RALGAPB: variants seen among roughly 807,000 people sequenced by gnomAD.
RALGAPB encodes ral GTPase-activating protein subunit beta.
A neutral mutation model predicts 161.1 loss-of-function variants in RALGAPB; 25 were observed. The ratio of observed to expected loss-of-function variants is 0.16; its 90% confidence interval spans 0.11 to 0.22. The LOEUF (loss-of-function observed/expected upper bound fraction) is 0.22, where lower values mean the gene tolerates loss of function less well. Among genes scored for constraint, RALGAPB ranks in the 10% least tolerant of loss-of-function variants. RALGAPB has a pLI of 1.00. For synonymous variants in RALGAPB, 629 were observed against 626.1 expected, an observed-to-expected ratio of 1.00 and a Z score of -0.07; for missense variants, 1,391 against 1,815.2, an observed-to-expected ratio of 0.77 and a Z score of 4.25.
intron 28 of RALGAPB, among the ~76,000 whole-genome samples, chr20:38,571,183 C>A (rs1027097405): frequency 6.6e-6 from 1 of 152,266 alleles, no homozygotes; most frequent in Non-Finnish European, 1.5e-5. Context: ...CAGAAGTTTT[C>A]TCCTGCCCAC....
rs1438522179 is a variant in RALGAPB, at chr20:38,541,098, A to C, written c.2620A>C (p.Lys874Gln). 12 of 1,614,164 alleles carry C rather than the reference A, an allele frequency of 7.4e-6. No individual in the cohort carries two copies. Among genetic ancestry groups the C allele is most frequent in the Non-Finnish European group, 1.0e-5 (12 of 1,180,010 alleles). ...VELGISGSKS[K>Q]NNEQEVKYKG... Reference sequence around the variant, plus strand: ...ACTGGGTATCTCAGGAAGTAAGTCCAAGAACAATGAGCAAGAGGTCAAGTA... The same window carrying C: ...ACTGGGTATCTCAGGAAGTAAGTCCCAGAACAATGAGCAAGAGGTCAAGTA... Residue 874 changes from lysine to glutamine, a missense_variant, in exon 18 of 30, where the codon AAG becomes CAG. Lys to Gln is a moderately conservative substitution (Grantham distance 53, BLOSUM62 1). Around this residue, in one of 3 missense-constraint regions of RALGAPB, gnomAD observed 946 missense variants for 1,257.2 expected, o/e 0.75. Transcript: ENST00000262879.
chr20:38,481,127 T>C (rs905987809), intron 1 of RALGAPB, among the ~76,000 whole-genome samples: 2 of 152,176 alleles, frequency 1.3e-5, no homozygotes, highest in African/African-American at 4.8e-5. Context: ...ATTCGTATGC[T>C]CTGTATCTGT....
intron 5 of RALGAPB, 52 bp from the exon 6 acceptor site, chr20:38,509,025 T>C: frequency 6.3e-7 from 1 of 1,579,504 alleles, no homozygotes; most frequent in Non-Finnish European, 8.7e-7. Flanking sequence ...TGCTTGAGTG[T>C]ATTTTTCAAT....
chr20:38,502,835 C>A (rs548370530), intron 5 of RALGAPB, among the ~76,000 whole-genome samples: 1 of 152,276 alleles, frequency 6.6e-6, no homozygotes, highest in South Asian at 2.1e-4. Flanking sequence ...TAACTCCAGG[C>A]CTCATGTGAG....
chr20:38,526,772 A>G (rs187790500), intron 13 of RALGAPB, among the ~76,000 whole-genome samples: 41 of 152,304 alleles, frequency 2.7e-4, no homozygotes, highest in Admixed American at 2.4e-3. Context: ...TGTTAGCACT[A>G]AGGGACAGTC....
chr20:38,578,224 A>G lies in RALGAPB; in HGVS notation c.*3257A>G, dbSNP rs2088507942. On this transcript the variant is annotated 3_prime_UTR_variant, in exon 30 of 30. Transcript: ENST00000262879. ...ATTGGAGTCAGATGGTCTGTTTTAAAGATTTCCATGACAGCCTCTTTTCCT... is the reference window on the plus strand; with the variant it reads ...ATTGGAGTCAGATGGTCTGTTTTAAGGATTTCCATGACAGCCTCTTTTCCT... The G allele has an allele frequency of 6.6e-6, 1 of 152,216 alleles. No homozygotes were observed. The highest frequency in any genetic ancestry group is 2.4e-5 in the African/African-American group (1 of 41,452). 9.4% of individuals were successfully genotyped at this position (152,216 alleles called of 1,614,324 possible).
At chr20:38,509,837 T>A (rs1264993457) in intron 6 of RALGAPB, among the ~76,000 whole-genome samples, 1 of 152,226 alleles carries the variant, frequency 6.6e-6, no homozygotes, top group African/African-American at 2.4e-5. Context: ...ACTAGCCTAA[T>A]TTTTCTATTT....
In RALGAPB at chr20:38,574,151, T is replaced by G. The variant is rs755182565; in HGVS notation, c.4144T>G (p.Ser1382Ala). 8.7e-6 allele frequency: 14 copies of G among 1,605,656 alleles called. No individual in the cohort carries two copies. Among genetic ancestry groups the G allele is most frequent in the Non-Finnish European group, 1.1e-5 (13 of 1,177,108 alleles). Residue 1382 changes from serine to alanine, a missense_variant and splice_region_variant, in exon 29 of 30, where the codon TCT (serine) becomes GCT (alanine). Coordinates refer to ENST00000262879, the MANE Select transcript of RALGAPB (RefSeq NM_020336.4). Reference protein sequence around the residue: ...TTANSSTSLRSTTLEKEVPVI... With the variant: ...TTANSSTSLRATTLEKEVPVI... Reference sequence around the variant, plus strand: ...AGATAACAATTTTCTTTTCTTAAGATCTACAACTCTTGAAAAAGAAGTTCC... The same window carrying G: ...AGATAACAATTTTCTTTTCTTAAGAGCTACAACTCTTGAAAAAGAAGTTCC...
chr20:38,528,827 C>T lies in RALGAPB; in HGVS notation c.2051-2340C>T, dbSNP rs57737207. 7.5e-3 allele frequency among the ~76,000 whole-genome samples: 1,134 copies of T among 152,164 alleles called. 17 individuals are homozygous for T. Among genetic ancestry groups the T allele is most frequent in the African/African-American group, 0.026 (1,083 of 41,502 alleles). On this transcript the variant is annotated intron_variant, in intron 13 of 29. Transcript: ENST00000262879. ...TCCTGAGTACCTGGGATTACTGGCACCCGCCACCACGCCCAGCTAATTTTT... is the reference window on the plus strand; with the variant it reads ...TCCTGAGTACCTGGGATTACTGGCATCCGCCACCACGCCCAGCTAATTTTT...
chr20:38,501,437 G>C (rs2902674), intron 5 of RALGAPB, among the ~76,000 whole-genome samples: 18,058 of 152,156 alleles, frequency 0.12, 2,938 homozygotes, highest in African/African-American at 0.37. Flanking sequence ...CTTGGCAAAA[G>C]CCCATCTCTA....
intron 25 of RALGAPB, 68 bp downstream of exon 25, chr20:38,565,546 T>G: frequency 6.5e-7 from 1 of 1,546,766 alleles, no homozygotes; most frequent in Non-Finnish European, 8.8e-7. Context: ...GTGATATTAC[T>G]GCATTGGAAG....
chr20:38,510,165 C>G (rs1275683328), intron 6 of RALGAPB, among the ~76,000 whole-genome samples: 10 of 143,098 alleles, frequency 7.0e-5, no homozygotes, highest in Non-Finnish European at 1.6e-5. Context: ...CACACACACA[C>G]AGACACACGC....
chr20:38,488,755 C>T, intron 2 of RALGAPB, 137 bp downstream of exon 2: 1 of 814,974 alleles, frequency 1.2e-6, no homozygotes, highest in Non-Finnish European at 1.9e-6. Flanking sequence ...TAATGGATTT[C>T]TCCCCAACGT....
chr20:38,575,291 C>A lies in RALGAPB; in HGVS notation c.*324C>A. 1 of 213,230 alleles carries A rather than the reference C, an allele frequency of 4.7e-6. No individual in the cohort carries two copies. Among genetic ancestry groups the A allele is most frequent in the Non-Finnish European group, 9.4e-6 (1 of 106,596 alleles). 13.2% of individuals were successfully genotyped at this position (213,230 alleles called of 1,614,324 possible). On this transcript the variant is annotated 3_prime_UTR_variant, in exon 30 of 30. Transcript: ENST00000262879. ...TTTATGCATCTCAGTTAAACACGTGCATTGGTAGTATCAACAAATTTGCAA... is the reference window on the plus strand; with the variant it reads ...TTTATGCATCTCAGTTAAACACGTGAATTGGTAGTATCAACAAATTTGCAA...
At chr20:38,481,803 G>A (rs1279342617) in intron 1 of RALGAPB, among the ~76,000 whole-genome samples, 1 of 152,188 alleles carries the variant, frequency 6.6e-6, no homozygotes, top group Non-Finnish European at 1.5e-5. Flanking sequence ...GCTGTTTATT[G>A]AATAAGTCTA....
intron 3 of RALGAPB, among the ~76,000 whole-genome samples, chr20:38,496,817 C>T (rs1340929501): frequency 6.6e-6 from 1 of 152,166 alleles, no homozygotes; most frequent in African/African-American, 2.4e-5. Flanking sequence ...CTGCATACCT[C>T]ATTAATTTTG....
chr20:38,559,148 C>G (rs1192911602), intron 23 of RALGAPB, among the ~76,000 whole-genome samples: 1 of 152,150 alleles, frequency 6.6e-6, no homozygotes, highest in African/African-American at 2.4e-5. Flanking sequence ...AATTCAGATT[C>G]ACAAGACAAA....
intron 1 of RALGAPB, among the ~76,000 whole-genome samples, chr20:38,485,729 C>A (rs1012620279): frequency 5.3e-5 from 8 of 151,956 alleles, no homozygotes; most frequent in African/African-American, 1.7e-4. Context: ...TGAGTTTTAT[C>A]GCTTGTTTTG....
chr20:38,553,969 T>G lies in RALGAPB; in HGVS notation c.3265T>G (p.Phe1089Val). Residue 1089 changes from phenylalanine to valine, a missense_variant, in exon 22 of 30, where the codon TTT (phenylalanine) becomes GTT (valine). Coordinates refer to ENST00000262879, the MANE Select transcript of RALGAPB (RefSeq NM_020336.4). ...TGAGGAGGAATTGCAGAAGAGAAGT[T>G]TTCCTGACCCAGTTACGGATTGCAA... is the stretch of plus-strand genomic sequence containing the variant. The part of the protein sequence containing the change: ...QSEEELQKRS[F>V]PDPVTDCKPP... The G allele has an allele frequency of 6.2e-7, 1 of 1,613,554 alleles. No individual in the cohort carries two copies. The highest frequency in any genetic ancestry group is 1.7e-4 in the Middle Eastern group (1 of 6,056).
Sources: gnomAD v4.1 joint callset for allele counts (sites outside exome capture counted in the v4.1 genomes callset) on GRCh38, gnomAD v4.1.1 for gene constraint, gnomAD v4.1.1 regional missense constraint, MANE v1.5 for transcripts, NCBI Gene and HGNC (gene_info 2026-07-23, HGNC 2026-07-21) for gene names.